Variants in DAPK2 observed in about 807,000 individuals in gnomAD.
The protein encoded by DAPK2 is death associated protein kinase 2.
DAPK2 carries 35 observed loss-of-function variants against 44.1 expected under a neutral mutation model. That is an observed-to-expected ratio of 0.79 (90% confidence interval 0.61 to 1.05). The LOEUF (loss-of-function observed/expected upper bound fraction) is 1.05. Ranked by LOEUF, DAPK2 falls within the 50% of genes least tolerant of loss-of-function variation. The probability of loss-of-function intolerance (pLI) is 0.00; values close to 1 mark genes in which losing one functional copy is unlikely to be tolerated. For synonymous variants in DAPK2, 174 were observed against 182.6 expected, an observed-to-expected ratio of 0.95 and a Z score of 0.38; for missense variants, 453 against 483.2, an observed-to-expected ratio of 0.94 and a Z score of 0.59.
intron 7 of DAPK2, among the ~76,000 whole-genome samples, chr15:63,925,245 G>GT (rs1355672150): frequency 6.6e-6 from 1 of 152,124 alleles, no homozygotes; most frequent in African/African-American, 2.4e-5. Flanking sequence ...TCGCTGCTCT[G>GT]TACCCAGGTA....
At chr15:63,955,130 A>G (rs1015338005) in intron 3 of DAPK2, among the ~76,000 whole-genome samples, 113 of 152,272 alleles carry the variant, frequency 7.4e-4, no homozygotes, top group African/African-American at 2.6e-3. Context: ...TCCAATTTGG[A>G]CGCCCTTTAT....
chr15:63,998,205 A>C (rs960221554), intron 1 of DAPK2, among the ~76,000 whole-genome samples: 6 of 152,114 alleles, frequency 3.9e-5, no homozygotes, highest in African/African-American at 1.4e-4. Flanking sequence ...AGACATTCTT[A>C]CCCATGGGTG....
At chr15:64,042,446 C>A (rs2080372837), upstream of DAPK2, among the ~76,000 whole-genome samples, 1 of 152,116 alleles carries the variant, frequency 6.6e-6, no homozygotes, top group South Asian at 2.1e-4. The surrounding 1 kb of genome is among the most constrained non-coding windows in gnomAD (Gnocchi z 4.7). Flanking sequence ...CAGGAAACTC[C>A]AAAAAAATTC....
intron 3 of DAPK2, among the ~76,000 whole-genome samples, chr15:63,956,921 A>G (rs1377520221): frequency 2.0e-5 from 3 of 152,196 alleles, no homozygotes; most frequent in African/African-American, 7.2e-5. Flanking sequence ...GTGGCCTAAC[A>G]TATGGTCCAT....
At chr15:63,967,541 A>C (rs2078088937) in intron 3 of DAPK2, among the ~76,000 whole-genome samples, 5 of 152,070 alleles carry the variant, frequency 3.3e-5, no homozygotes, top group African/African-American at 4.8e-5. Context: ...AAATACAAAA[A>C]TTAGCTGGGC....
chr15:64,019,952 A>C (rs2079637755), intron 1 of DAPK2, among the ~76,000 whole-genome samples: 1 of 152,196 alleles, frequency 6.6e-6, no homozygotes, highest in African/African-American at 2.4e-5. Context: ...CACAGAGTCA[A>C]TATTTACTAG....
At chr15:63,909,994 C>T (rs1325423510) in intron 10 of DAPK2, among the ~76,000 whole-genome samples, 1 of 152,152 alleles carries the variant, frequency 6.6e-6, no homozygotes, top group African/African-American at 2.4e-5. Context: ...TCAACTTTAG[C>T]CAAATACATC....
chr15:64,037,695 T>C (rs1018883543), intron 1 of DAPK2, among the ~76,000 whole-genome samples: 5 of 152,162 alleles, frequency 3.3e-5, no homozygotes, highest in African/African-American at 1.2e-4. Flanking sequence ...CAAAGGCAGC[T>C]CTAGTTCTAG....
At chr15:63,926,338 A>AGG (rs1164061797) in intron 6 of DAPK2, 2 of 416,740 alleles carry the variant, frequency 4.8e-6, no homozygotes, top group Admixed American at 8.3e-5. Context: ...TCAAAAGCGG[A>AGG]GGGGAGAGAA....
At chr15:63,918,075 T>C (rs1283258874) in intron 8 of DAPK2, 1 of 152,164 alleles carries the variant, frequency 6.6e-6, no homozygotes. Flanking sequence ...GGGTCAGGAA[T>C]TTCACGGACC....
chr15:63,949,455 C>G (rs954259050), intron 3 of DAPK2, among the ~76,000 whole-genome samples: 2 of 152,208 alleles, frequency 1.3e-5, no homozygotes, highest in African/African-American at 4.8e-5. Flanking sequence ...CTCTCCCTTC[C>G]CTTCCCTTTA....
At chr15:64,034,475 G>A (rs932681486) in intron 1 of DAPK2, among the ~76,000 whole-genome samples, 1 of 152,198 alleles carries the variant, frequency 6.6e-6, no homozygotes, top group Non-Finnish European at 1.5e-5. Flanking sequence ...GAGACTGCAG[G>A]TTGGGTGTCT....
intron 1 of DAPK2, among the ~76,000 whole-genome samples, chr15:64,009,679 C>T (rs2079332889): frequency 6.6e-6 from 1 of 152,150 alleles, no homozygotes; most frequent in East Asian, 1.9e-4. Context: ...GGAATCCTCA[C>T]CTTGGAATAT....
At chr15:63,914,893 C>A (rs1406053348) in intron 8 of DAPK2, among the ~76,000 whole-genome samples, 1 of 152,204 alleles carries the variant, frequency 6.6e-6, no homozygotes, top group African/African-American at 2.4e-5. Flanking sequence ...TATGCCGGGG[C>A]ACTAAATCTT....
At chr15:63,992,341 C>A (rs573010643) in intron 1 of DAPK2, among the ~76,000 whole-genome samples, 1 of 151,942 alleles carries the variant, frequency 6.6e-6, no homozygotes, top group African/African-American at 2.4e-5. Flanking sequence ...TGGAAGGTAC[C>A]ACCCACCACC....
At chr15:63,913,980 C>A (rs1410208425) in intron 8 of DAPK2, among the ~76,000 whole-genome samples, 1 of 152,214 alleles carries the variant, frequency 6.6e-6, no homozygotes, top group African/African-American at 2.4e-5. Flanking sequence ...CAATGCCCTG[C>A]CCTACTCTCC....
rs386383265 is a variant in DAPK2, at chr15:63,932,165, TA to T, written c.584-1711del. Reference sequence around the variant, plus strand: ...CTGGGTGACAGAGTGAGACCCTGTTTAAAAAAAAAAAAAAAAAAGGCTGGGC... The same window carrying T: ...CTGGGTGACAGAGTGAGACCCTGTTTAAAAAAAAAAAAAAAAAGGCTGGGC... On this transcript the variant is annotated intron_variant, in intron 4 of 10. Transcript: ENST00000261891. Among the ~76,000 whole-genome samples the T allele has an allele frequency of 5.0e-4, 68 of 137,052 alleles. 1 individual carries two copies. The highest frequency in any genetic ancestry group is 1.6e-3 in the African/African-American group (57 of 35,178). The allele number at this position is 137,052 out of a possible 152,430, so 89.9% of individuals were successfully genotyped here.
In DAPK2 at chr15:63,908,222, A is replaced by G. The variant is rs1272011067; in HGVS notation, c.*298T>C. 4.0e-6 allele frequency: 1 copy of G among 250,364 alleles called. No homozygotes were observed. Among genetic ancestry groups the G allele is most frequent in the African/African-American group, 2.2e-5 (1 of 44,672 alleles). The allele number at this position is 250,364 out of a possible 1,614,324, so 15.5% of individuals were successfully genotyped here. ...CCCCGTGATGATGAGGATGTCCTTTATATTGTTTTCCTAAGTCCACACTCC... is the reference window on the plus strand; with the variant it reads ...CCCCGTGATGATGAGGATGTCCTTTGTATTGTTTTCCTAAGTCCACACTCC... On this transcript the variant is annotated 3_prime_UTR_variant, in exon 11 of 11. Transcript: ENST00000261891. The surrounding 1 kb of genome is among the most constrained non-coding windows in gnomAD (Gnocchi z 5.7).
intron 3 of DAPK2, among the ~76,000 whole-genome samples, chr15:63,950,094 T>C (rs1053567902): frequency 1.3e-5 from 2 of 152,238 alleles, no homozygotes; most frequent in Non-Finnish European, 2.9e-5. Flanking sequence ...ACTTCATGCC[T>C]TCAGGTTTTA....
Sources: gnomAD v4.1 joint callset for allele counts (sites outside exome capture counted in the v4.1 genomes callset) on GRCh38, gnomAD v4.1.1 for gene constraint, Gnocchi (gnomAD v3.1) non-coding constraint, MANE v1.5 for transcripts, NCBI Gene and HGNC (gene_info 2026-07-23, HGNC 2026-07-21) for gene names.